The following CTCF variants were observed in gnomAD, a reference collection of about 807,000 sequenced individuals.
CTCF encodes the protein CCCTC-binding factor.
CTCF carries 7 observed loss-of-function variants against 72.3 expected under a neutral mutation model. That is an observed-to-expected ratio of 0.10 (90% confidence interval 0.06 to 0.18). The LOEUF (loss-of-function observed/expected upper bound fraction) is 0.18, where lower values mean the gene tolerates loss of function less well. Ranked by LOEUF, CTCF falls within the 10% of genes least tolerant of loss-of-function variation. The pLI is 1.00. For synonymous variants in CTCF, 374 were observed against 315.8 expected, an observed-to-expected ratio of 1.18 and a Z score of -1.95; for missense variants, 516 against 949.1, an observed-to-expected ratio of 0.54 and a Z score of 6.00.
intron 2 of CTCF, among the ~76,000 whole-genome samples, chr16:67,580,968 G>A (rs955010311): frequency 1.3e-5 from 2 of 148,668 alleles, no homozygotes; most frequent in East Asian, 2.0e-4. Flanking sequence ...TCGCTCTTTC[G>A]CCCACGCGGG....
rs142919859 is a variant in CTCF at position 67,625,259 on chromosome 16, T to G, written c.1358-1296T>G. Among the ~76,000 whole-genome samples, 106 of 152,096 alleles carry G rather than the reference T, an allele frequency of 7.0e-4. 1 individual carries two copies. Among genetic ancestry groups the G allele is most frequent in the African/African-American group, 2.5e-3 (103 of 41,480 alleles). On this transcript the variant is annotated intron_variant, in intron 7 of 11. Transcript: ENST00000264010. Reference sequence around the variant, plus strand: ...AGAGTACAGTGCAGTAGCACAATCTTGGCTCACTGCAACCTCTGCCCCCCA... The same window carrying G: ...AGAGTACAGTGCAGTAGCACAATCTGGGCTCACTGCAACCTCTGCCCCCCA...
chr16:67,590,315 C>G (rs1282495929), intron 2 of CTCF, among the ~76,000 whole-genome samples: 1 of 151,914 alleles, frequency 6.6e-6, no homozygotes, highest in African/African-American at 2.4e-5. Flanking sequence ...GGGCTTTCTT[C>G]AAGTAGCTGT....
At chr16:67,629,900 G>A (rs1482841315) in intron 10 of CTCF, among the ~76,000 whole-genome samples, 1 of 149,854 alleles carries the variant, frequency 6.7e-6, no homozygotes, top group Non-Finnish European at 1.5e-5. Context: ...TCAGCCTCCC[G>A]AGTAGCTGTG....
rs1378274175 is a variant in CTCF at position 67,629,375 on chromosome 16, G to A, written c.1702-23G>A. ...TCTTAGCTTTTTTAGTGGTGTGAAAGAGGATTTTGTTCTTTTTGTTAGAAT... is the reference window on the plus strand; with the variant it reads ...TCTTAGCTTTTTTAGTGGTGTGAAAAAGGATTTTGTTCTTTTTGTTAGAAT... On this transcript the variant is annotated intron_variant, in intron 9 of 11. Coordinates refer to ENST00000264010, the MANE Select transcript of CTCF (RefSeq NM_006565.4). The A allele has an allele frequency of 3.2e-6, 5 of 1,585,482 alleles. 1 individual carries two copies. The South Asian group carries it at 5.8e-5, about 18-fold the overall frequency.
intron 2 of CTCF, among the ~76,000 whole-genome samples, chr16:67,574,102 A>T (rs2051461931): frequency 6.6e-6 from 1 of 152,070 alleles, no homozygotes; most frequent in Non-Finnish European, 1.5e-5. Flanking sequence ...GTGTATGCCA[A>T]CTAGGTGTCA....
chr16:67,633,816 T>TCA (rs746513074), intron 10 of CTCF, among the ~76,000 whole-genome samples: 1 of 141,152 alleles, frequency 7.1e-6, no homozygotes, highest in African/African-American at 2.7e-5. Context: ...ACACACACAC[T>TCA]CTCACTCACT....
At chr16:67,624,157 GTA>G (rs200079779) in intron 7 of CTCF, among the ~76,000 whole-genome samples, 3 of 147,036 alleles carry the variant, frequency 2.0e-5, no homozygotes, top group Non-Finnish European at 3.0e-5. Context: ...ATATATGTGT[GTA>G]TATATATATG....
At chr16:67,582,039 C>A (rs1304420343) in intron 2 of CTCF, among the ~76,000 whole-genome samples, 1 of 151,674 alleles carries the variant, frequency 6.6e-6, no homozygotes, top group Non-Finnish European at 1.5e-5. Context: ...CTGGCTAATA[C>A]GGTGAAACCC....
chr16:67,615,370 CTT>C (rs2052119021), intron 4 of CTCF: 2 of 152,344 alleles, frequency 1.3e-5, no homozygotes, highest in Admixed American at 6.6e-5. Flanking sequence ...AATCTCAGGA[CTT>C]TGTGAGGCCG....
intron 2 of CTCF, among the ~76,000 whole-genome samples, chr16:67,573,963 G>A (rs1261731882): frequency 2.0e-5 from 3 of 151,874 alleles, no homozygotes; most frequent in South Asian, 2.1e-4. Context: ...CCCGGGAGGC[G>A]GAAGTTGCAG....
intron 5 of CTCF, among the ~76,000 whole-genome samples, chr16:67,619,014 A>G (rs1898972043): frequency 6.6e-6 from 1 of 152,252 alleles, no homozygotes; most frequent in Non-Finnish European, 1.5e-5. Flanking sequence ...TAGATAGCTC[A>G]TTGGAACAGA....
chr16:67,583,796 A>G (rs1423449401), intron 2 of CTCF, among the ~76,000 whole-genome samples: 1 of 152,132 alleles, frequency 6.6e-6, no homozygotes, highest in Non-Finnish European at 1.5e-5. Context: ...CTAGTTTAAA[A>G]CATATCCTAA....
At chr16:67,584,298 G>A (rs1260619882) in intron 2 of CTCF, among the ~76,000 whole-genome samples, 1 of 149,844 alleles carries the variant, frequency 6.7e-6, no homozygotes, top group Non-Finnish European at 1.5e-5. Context: ...CTCCAGCCTG[G>A]ATGACGAACG....
intron 2 of CTCF, among the ~76,000 whole-genome samples, chr16:67,590,955 T>C (rs1480057221): frequency 9.1e-6 from 1 of 109,546 alleles, no homozygotes; most frequent in Non-Finnish European, 1.8e-5. Context: ...AGTGAGACTC[T>C]GTCTCAAAAA....
chr16:67,628,526 A>G lies in CTCF; in HGVS notation c.1675A>G (p.Lys559Glu). The change falls in exon 9 of 12, where the codon AAG (lysine) becomes GAG (glutamate). Residue 559 changes from lysine (K) to glutamate (E), a missense_variant. Physicochemically the swap from Lys to Glu is moderately conservative, Grantham distance 56. Around this residue, in one of 7 missense-constraint regions of CTCF, gnomAD observed 81 missense variants for 184.3 expected, o/e 0.44. Coordinates refer to ENST00000264010, the MANE Select transcript of CTCF (RefSeq NM_006565.4). ...CGTCCCTGCGGCTTTTGTCTGTTCT[A>G]AGTGTGGGAAAACATTTACACGTCG... ...NFVPAAFVCS[K>E]CGKTFTRRNT... is the part of the protein sequence containing the mutation. 6.2e-7 allele frequency: 1 copy of G among 1,614,138 alleles called. No individual in the cohort carries two copies. The highest frequency in any genetic ancestry group is 8.5e-7 in the Non-Finnish European group (1 of 1,180,002).
At position 67,638,148 on chromosome 16, in the gene CTCF, G is replaced by GA. The variant is rs2052457465; in HGVS notation, c.*279dup. 1 of 364,298 alleles carries GA rather than the reference G, an allele frequency of 2.7e-6. No individual in the cohort carries two copies. The highest frequency in any genetic ancestry group is 4.0e-5 in the East Asian group (1 of 25,042). The allele number at this position is 364,298 out of a possible 1,614,324, so 22.6% of individuals were successfully genotyped here. On this transcript the variant is annotated 3_prime_UTR_variant, in exon 12 of 12. Transcript: ENST00000264010. ...GACAACTAACTCGTTTTCCTAGATG[G>GA]AAACGGAGACATTGACCCCTCCCTC...
intron 7 of CTCF, chr16:67,623,176 G>GA (rs1159967179): frequency 2.0e-5 from 3 of 151,888 alleles, no homozygotes; most frequent in African/African-American, 7.3e-5. Context: ...GGCTGCTCTC[G>GA]AACTCCTGAC....
In CTCF at chr16:67,612,129, A is replaced by T. The variant is rs775965530; in HGVS notation, c.952+8A>T. 1 of 1,606,358 alleles carries T rather than the reference A, an allele frequency of 6.2e-7. No homozygotes were observed. Among genetic ancestry groups the T allele is most frequent in the Non-Finnish European group, 8.5e-7 (1 of 1,175,578 alleles). ...ACCTTAACACACACACAGGTGCTGG[A>T]TAAGAATGTTGGGGGCTACAACAGC... is the stretch of plus-strand genomic sequence containing the variant. On this transcript the variant is annotated splice_region_variant and intron_variant, in intron 4 of 11. Transcript: ENST00000264010.
At chr16:67,596,321 G>A (rs1038643598) in intron 2 of CTCF, among the ~76,000 whole-genome samples, 1 of 152,054 alleles carries the variant, frequency 6.6e-6, no homozygotes, top group African/African-American at 2.4e-5. Flanking sequence ...TTTTAGTTTA[G>A]CATTTCTTTT....
Sources: gnomAD v4.1 joint callset for allele counts (sites outside exome capture counted in the v4.1 genomes callset) on GRCh38, gnomAD v4.1.1 for gene constraint, gnomAD v4.1.1 regional missense constraint, MANE v1.5 for transcripts, NCBI Gene and HGNC (gene_info 2026-07-23, HGNC 2026-07-21) for gene names.